Variants in UQCC1 observed in about 807,000 individuals in gnomAD.
UQCC1 encodes the protein ubiquinol-cytochrome c reductase complex assembly factor 1.
In UQCC1, 38 loss-of-function variants were observed where a neutral mutation model predicts 48.0. The observed-to-expected ratio is 0.79, with a 90% CI of 0.61 to 1.04. UQCC1 has a LOEUF of 1.04. Among genes scored for constraint, UQCC1 ranks in the 50% least tolerant of loss-of-function variants. The pLI is 0.00. For missense variants in UQCC1, 368 were observed against 381.8 expected, an observed-to-expected ratio of 0.96 and a Z score of 0.30; for synonymous variants, 111 against 129.2, an observed-to-expected ratio of 0.86 and a Z score of 0.95.
At chr20:35,349,897 T>G (rs987079858) in intron 6 of UQCC1, among the ~76,000 whole-genome samples, 1 of 152,080 alleles carries the variant, frequency 6.6e-6, no homozygotes, top group Admixed American at 6.6e-5. Context: ...CTCAGGAGGC[T>G]GAGGCAGGAG....
intron 6 of UQCC1, among the ~76,000 whole-genome samples, chr20:35,353,038 A>G (rs1376318510): frequency 1.3e-5 from 2 of 152,174 alleles, no homozygotes; most frequent in Non-Finnish European, 1.5e-5. Flanking sequence ...AAAAACAGAA[A>G]AAAGGTTACA....
At position 35,304,003 on chromosome 20, in the gene UQCC1, G is replaced by A. The variant is rs1457121381; in HGVS notation, c.832C>T (p.Leu278=). Residue 278 remains leucine, a synonymous_variant, in exon 10 of 10, where the codon CTA becomes TTA. Transcript: ENST00000374385. ...ATGCTCTGAGGATTCTTCTCCACTA[G>A]AGGGCGCCAGCTCACCTCCCCTGTC... ...LLTGEVSWRP[L]VEKNPQSILK... 3.7e-6 allele frequency: 6 copies of A among 1,614,154 alleles called. No individual in the cohort carries two copies. The highest frequency in any genetic ancestry group is 4.2e-6 in the Non-Finnish European group (5 of 1,180,016).
intron 7 of UQCC1, chr20:35,344,206 C>T (rs919851573): frequency 6.6e-6 from 1 of 152,130 alleles, no homozygotes; most frequent in Non-Finnish European, 1.5e-5. Context: ...AGACGGTTTT[C>T]TGCTTTTATA....
At chr20:35,349,635 A>C (rs761618001) in intron 6 of UQCC1, among the ~76,000 whole-genome samples, 1 of 152,220 alleles carries the variant, frequency 6.6e-6, no homozygotes, top group Non-Finnish European at 1.5e-5. Flanking sequence ...GAAGACCAGA[A>C]GATATTTAAC....
At chr20:35,366,402 T>G (rs996311007) in intron 6 of UQCC1, among the ~76,000 whole-genome samples, 155 bp downstream of exon 6, 2 of 152,222 alleles carry the variant, frequency 1.3e-5, no homozygotes, top group African/African-American at 4.8e-5. Flanking sequence ...AATAAAAATG[T>G]GCTTCAAGAC....
chr20:35,385,175 C>G (rs1194799857), intron 2 of UQCC1, among the ~76,000 whole-genome samples: 1 of 152,096 alleles, frequency 6.6e-6, no homozygotes, highest in Non-Finnish European at 1.5e-5. Flanking sequence ...CCATGGAAAA[C>G]TTACTGAACC....
At chr20:35,408,656 A>C (rs575237539) in intron 1 of UQCC1, among the ~76,000 whole-genome samples, 75 of 151,710 alleles carry the variant, frequency 4.9e-4, no homozygotes, top group Non-Finnish European at 9.3e-4. Context: ...GTTCAAGGCC[A>C]GCCTGGGCAA....
At chr20:35,350,650 C>T (rs1305613423) in intron 6 of UQCC1, among the ~76,000 whole-genome samples, 3 of 152,082 alleles carry the variant, frequency 2.0e-5, no homozygotes, top group African/African-American at 7.2e-5. Flanking sequence ...GCCAAGATCG[C>T]ACCACTGCAC....
chr20:35,318,791 G>A (rs376650091), intron 7 of UQCC1, among the ~76,000 whole-genome samples: 1 of 152,318 alleles, frequency 6.6e-6, no homozygotes, highest in South Asian at 2.1e-4. Flanking sequence ...GGACTCACTC[G>A]GCAGGGCCCT....
chr20:35,400,111 A>G (rs938883593), intron 1 of UQCC1, among the ~76,000 whole-genome samples: 1 of 151,722 alleles, frequency 6.6e-6, no homozygotes, highest in East Asian at 2.0e-4. Context: ...TTTTCGGTAG[A>G]GGCGGGGTTT....
chr20:35,336,438 T>C (rs1239958240), intron 7 of UQCC1, among the ~76,000 whole-genome samples: 1 of 152,188 alleles, frequency 6.6e-6, no homozygotes, highest in East Asian at 1.9e-4. Flanking sequence ...CCATCACACA[T>C]ATCCTTCCTT....
At chr20:35,378,222 G>A (rs2061825272) in intron 4 of UQCC1, among the ~76,000 whole-genome samples, 1 of 152,152 alleles carries the variant, frequency 6.6e-6, no homozygotes, top group Non-Finnish European at 1.5e-5. Flanking sequence ...AACAGCTTTA[G>A]GAAATGAAAA....
chr20:35,321,694 C>G (rs962335923), intron 7 of UQCC1, among the ~76,000 whole-genome samples: 1 of 152,154 alleles, frequency 6.6e-6, no homozygotes, highest in Non-Finnish European at 1.5e-5. Flanking sequence ...GTCTCTACAA[C>G]ATAGTAATAA....
intron 2 of UQCC1, among the ~76,000 whole-genome samples, chr20:35,388,866 G>A (rs1348605568): frequency 1.3e-5 from 2 of 152,000 alleles, no homozygotes; most frequent in Non-Finnish European, 2.9e-5. Flanking sequence ...GGAGTTCAAG[G>A]CTAACCTGGC....
intron 7 of UQCC1, among the ~76,000 whole-genome samples, chr20:35,320,748 A>G (rs1336599846): frequency 6.6e-6 from 1 of 152,238 alleles, no homozygotes; most frequent in African/African-American, 2.4e-5. Context: ...TTGGTATGGA[A>G]AACACTGATG....
chr20:35,374,074 A>C, intron 5 of UQCC1, 110 bp downstream of exon 5: 2 of 770,252 alleles, frequency 2.6e-6, no homozygotes, highest in East Asian at 5.2e-5. Context: ...TGCTTTGTGC[A>C]GGAAAAACTG....
chr20:35,387,213 A>G (rs940176638), intron 2 of UQCC1, among the ~76,000 whole-genome samples: 1 of 151,922 alleles, frequency 6.6e-6, no homozygotes, highest in Non-Finnish European at 1.5e-5. Flanking sequence ...TTGAACCCAG[A>G]AGGCGGAGGT....
At chr20:35,335,581 T>C (rs1787467188) in intron 7 of UQCC1, among the ~76,000 whole-genome samples, 1 of 152,214 alleles carries the variant, frequency 6.6e-6, no homozygotes, top group South Asian at 2.1e-4. Flanking sequence ...AAATACTGCA[T>C]ATTATATGAT....
chr20:35,397,574 T>A (rs1321733203), intron 1 of UQCC1, among the ~76,000 whole-genome samples: 2 of 150,238 alleles, frequency 1.3e-5, no homozygotes, highest in African/African-American at 4.9e-5. Context: ...ATACTAAACA[T>A]GTAGACTTTT....
Sources: gnomAD v4.1 joint callset for allele counts (sites outside exome capture counted in the v4.1 genomes callset) on GRCh38, gnomAD v4.1.1 for gene constraint, MANE v1.5 for transcripts, NCBI Gene and HGNC (gene_info 2026-07-23, HGNC 2026-07-21) for gene names.